Variants in PDE4D observed in about 807,000 individuals in gnomAD.
The protein encoded by PDE4D is 3',5'-cyclic-AMP phosphodiesterase 4D.
PDE4D carries 24 observed loss-of-function variants against 87.4 expected under a neutral mutation model. The ratio of observed to expected loss-of-function variants is 0.27; its 90% CI spans 0.20 to 0.39. The LOEUF is 0.39. Ranked by LOEUF, PDE4D falls within the 10% of genes least tolerant of loss-of-function variation. The pLI, the probability that PDE4D is intolerant of heterozygous loss-of-function variation, is 1.00. For missense variants in PDE4D, 714 were observed against 1,041.0 expected (o/e 0.69, Z 4.32); for synonymous variants, 384 against 383.2 (o/e 1.00, Z -0.02).
At chr5:59,126,447 T>C (rs1330873673) in intron 5 of PDE4D, among the ~76,000 whole-genome samples, 3 of 152,236 alleles carry the variant, frequency 2.0e-5, no homozygotes, top group Non-Finnish European at 4.4e-5. Flanking sequence ...TTAATATAAT[T>C]TTTACAATTT....
chr5:59,756,796 T>C (rs1761293812), intron 1 of PDE4D, among the ~76,000 whole-genome samples: 1 of 149,526 alleles, frequency 6.7e-6, no homozygotes, highest in Non-Finnish European at 1.5e-5. Context: ...GATTGATGAA[T>C]GTGGAGGTTC....
intron 1 of PDE4D, among the ~76,000 whole-genome samples, chr5:59,831,833 G>A (rs1444458970): frequency 1.3e-5 from 2 of 151,992 alleles, no homozygotes; most frequent in East Asian, 3.9e-4. Context: ...TAGAGTTGAC[G>A]CAGTACAGCA....
chr5:59,270,062 T>C (rs1763536219), intron 1 of PDE4D, among the ~76,000 whole-genome samples: 1 of 152,110 alleles, frequency 6.6e-6, no homozygotes, highest in Non-Finnish European at 1.5e-5. Flanking sequence ...AGTAAACCTA[T>C]CTGTGATCCA....
chr5:59,810,212 C>A (rs547776524), intron 1 of PDE4D, among the ~76,000 whole-genome samples: 1 of 152,268 alleles, frequency 6.6e-6, no homozygotes, highest in South Asian at 2.1e-4. Context: ...GAAGGCGGGC[C>A]GCCTAACACA....
intron 1 of PDE4D, among the ~76,000 whole-genome samples, chr5:60,447,181 T>A (rs573301438): frequency 6.6e-6 from 1 of 152,278 alleles, no homozygotes; most frequent in East Asian, 1.9e-4. Context: ...TCTCATCCAT[T>A]GCCAATATAA....
intron 1 of PDE4D, among the ~76,000 whole-genome samples, chr5:59,869,426 TAG>T (rs1330727103): frequency 2.0e-5 from 3 of 152,140 alleles, no homozygotes; most frequent in African/African-American, 7.2e-5. Flanking sequence ...AGCCAAATAA[TAG>T]AGAGTGATGT....
At chr5:60,444,912 GA>G (rs34069629) in intron 1 of PDE4D, among the ~76,000 whole-genome samples, 53,491 of 138,020 alleles carry the variant, frequency 0.39, 9,943 homozygotes, top group South Asian at 0.55. Context: ...CCTCTACTCA[GA>G]AAAAAAAAAA....
intron 1 of PDE4D, among the ~76,000 whole-genome samples, chr5:60,352,825 T>C (rs1253169635): frequency 6.6e-6 from 1 of 152,184 alleles, no homozygotes; most frequent in African/African-American, 2.4e-5. Context: ...TATTCTGTGA[T>C]GGATTTGAAA....
At chr5:58,980,974 G>A (rs1744983549) in intron 11 of PDE4D, among the ~76,000 whole-genome samples, 1 of 152,140 alleles carries the variant, frequency 6.6e-6, no homozygotes, top group Non-Finnish European at 1.5e-5. Flanking sequence ...GAATATGTAT[G>A]TCCAGGCTCC....
intron 5 of PDE4D, among the ~76,000 whole-genome samples, chr5:59,112,459 G>C (rs537908105): frequency 6.6e-6 from 1 of 152,298 alleles, no homozygotes; most frequent in East Asian, 1.9e-4. Flanking sequence ...AGGAGATGCA[G>C]GGTCTCCTAT....
At chr5:60,507,620 C>A (rs937535557) in intron 1 of PDE4D, among the ~76,000 whole-genome samples, 1 of 152,046 alleles carries the variant, frequency 6.6e-6, no homozygotes, top group East Asian at 1.9e-4. Context: ...TTCACCACAT[C>A]CTAGCCAAGA....
chr5:59,130,095 A>C lies in PDE4D; in HGVS notation c.808+50500T>G, dbSNP rs1343753157. Among the ~76,000 whole-genome samples the C allele has an allele frequency of 2.0e-5, 3 of 152,218 alleles. No individual in the cohort carries two copies. The East Asian group carries it at 5.8e-4, about 29-fold the overall frequency. The stretch of plus-strand genomic sequence containing the variant: ...AGAGCTGTTCCTCAGTACCACTAAA[A>C]TTGGAAGGACAATATTTCTTTAAAG... On this transcript the variant is annotated intron_variant, in intron 5 of 14. Transcript: ENST00000340635.
intron 2 of PDE4D, among the ~76,000 whole-genome samples, chr5:59,198,512 G>C (rs1332570112): frequency 6.6e-6 from 1 of 152,170 alleles, no homozygotes; most frequent in Non-Finnish European, 1.5e-5. Context: ...GTCCAAGGAG[G>C]TGCCACATGC....
At chr5:59,150,152 G>A (rs1353186843) in intron 5 of PDE4D, among the ~76,000 whole-genome samples, 1 of 152,090 alleles carries the variant, frequency 6.6e-6, no homozygotes, top group African/African-American at 2.4e-5. Context: ...TGAAGGTGGA[G>A]GAGGAATATG....
Position 59,503,476 on chromosome 5 carries a change from A to T in PDE4D, c.456-287508T>A, listed in dbSNP as rs115158825. On this transcript the variant is annotated intron_variant, in intron 1 of 14. Transcript: ENST00000340635. ...CCCAGGGATATCCTGTCATTAATAT[A>T]AATAAGTAGATAACGATATCTAGTC... Among the ~76,000 whole-genome samples, 359 of 152,290 alleles carry T rather than the reference A, an allele frequency of 2.4e-3. 1 individual carries two copies. Among genetic ancestry groups the T allele is most frequent in the African/African-American group, 8.4e-3 (349 of 41,562 alleles).
intron 2 of PDE4D, among the ~76,000 whole-genome samples, chr5:60,020,176 C>T (rs1466801556): frequency 6.6e-6 from 1 of 152,136 alleles, no homozygotes; most frequent in Non-Finnish European, 1.5e-5. Flanking sequence ...TCAGAAAACA[C>T]ACAATCTATC....
At chr5:60,025,772 A>T (rs1047121782) in intron 2 of PDE4D, among the ~76,000 whole-genome samples, 7 of 152,134 alleles carry the variant, frequency 4.6e-5, no homozygotes, top group Non-Finnish European at 8.8e-5. Context: ...CTAAATATTA[A>T]TCACTTAAAC....
At chr5:59,267,179 C>T (rs27695) in intron 1 of PDE4D, among the ~76,000 whole-genome samples, 30,513 of 151,900 alleles carry the variant, frequency 0.2, 3,434 homozygotes, top group Non-Finnish European at 0.25. Flanking sequence ...AATCACAGCC[C>T]GCTGTTGCCT....
intron 3 of PDE4D, among the ~76,000 whole-genome samples, chr5:59,952,697 G>T (rs1222094313): frequency 6.6e-6 from 1 of 152,184 alleles, no homozygotes; most frequent in East Asian, 1.9e-4. Flanking sequence ...CTCTGGGGAT[G>T]CTTGCCCTTG....
Sources: gnomAD v4.1 joint callset for allele counts (sites outside exome capture counted in the v4.1 genomes callset) on GRCh38, gnomAD v4.1.1 for gene constraint, MANE v1.5 for transcripts, NCBI Gene and HGNC (gene_info 2026-07-23, HGNC 2026-07-21) for gene names.